The following ARHGEF10 variants were observed in gnomAD, a reference collection of about 807,000 sequenced individuals.
The protein encoded by ARHGEF10 is Rho guanine nucleotide exchange factor (GEF) 10.
Under a neutral mutation model 147.4 loss-of-function variants are expected in ARHGEF10, and 140 were observed. That is an observed-to-expected ratio of 0.95 (90% CI 0.83 to 1.09). The LOEUF (loss-of-function observed/expected upper bound fraction) is 1.09. Ranked by LOEUF, ARHGEF10 falls within the 50% of genes least tolerant of loss-of-function variation. The probability of loss-of-function intolerance (pLI) is 0.00; values close to 1 mark genes in which losing one functional copy is unlikely to be tolerated. For missense variants in ARHGEF10, 2,222 were observed against 1,752.7 expected, an observed-to-expected ratio of 1.27 and a Z score of -4.78; for synonymous variants, 902 against 695.8, an observed-to-expected ratio of 1.30 and a Z score of -4.67.
intron 17 of ARHGEF10, 135 bp downstream of exon 17, chr8:1,905,851 AAGGGAACCCTT>A: frequency 9.2e-7 from 1 of 1,090,988 alleles, no homozygotes; most frequent in Non-Finnish European, 1.4e-6. Context: ...TCCTGTGACT[AAGGGAACCCTT>A]ATAATAAGCA....
intron 2 of ARHGEF10, among the ~76,000 whole-genome samples, chr8:1,847,185 C>G (rs1804626539): frequency 6.6e-6 from 1 of 152,228 alleles, no homozygotes; most frequent in Non-Finnish European, 1.5e-5. Flanking sequence ...TGCCCAGCTG[C>G]TGGGGTTCAA....
intron 26 of ARHGEF10, among the ~76,000 whole-genome samples, chr8:1,939,615 A>G (rs1308756145): frequency 6.6e-6 from 1 of 152,222 alleles, no homozygotes; most frequent in East Asian, 1.9e-4. Flanking sequence ...CTGCCTAGGG[A>G]TGGTGCCCAT....
chr8:1,908,276 G>T (rs1227621127), intron 17 of ARHGEF10, among the ~76,000 whole-genome samples: 1 of 144,004 alleles, frequency 6.9e-6, no homozygotes, highest in Admixed American at 7.1e-5. Context: ...TGTCACCCAG[G>T]CTGGAGTGCT....
Position 1,909,441 on chromosome 8 carries a change from G to A in ARHGEF10, c.2114G>A (p.Ser705Asn). 6.2e-7 allele frequency: 1 copy of A among 1,614,102 alleles called. No individual in the cohort carries two copies. Among genetic ancestry groups the A allele is most frequent in the Non-Finnish European group, 8.5e-7 (1 of 1,180,040 alleles). Reference protein sequence around the residue: ...SRHLAVHPPESLAVVANAKPN... With the variant: ...SRHLAVHPPENLAVVANAKPN... ...CACCTTGCCGTTCACCCGCCGGAGA[G>A]CCTGGCCGTGGTTGCTAACGCGAAA... is the stretch of plus-strand genomic sequence containing the variant. Residue 705 changes from serine (S) to asparagine (N), a missense_variant, in exon 18 of 29, where the codon AGC becomes AAC. Ser to Asn is a conservative substitution (Grantham distance 46). Coordinates refer to ENST00000349830, the MANE Select transcript of ARHGEF10 (RefSeq NM_014629.4).
intron 9 of ARHGEF10, among the ~76,000 whole-genome samples, chr8:1,881,434 A>G (rs1034911981): frequency 4.6e-5 from 7 of 152,162 alleles, no homozygotes; most frequent in Admixed American, 6.5e-5. Flanking sequence ...GCTGTGCAGG[A>G]CGGAAACGCG....
At chr8:1,891,027 T>C (rs1410798330) in intron 11 of ARHGEF10, among the ~76,000 whole-genome samples, 2 of 152,192 alleles carry the variant, frequency 1.3e-5, no homozygotes, top group Non-Finnish European at 2.9e-5. Flanking sequence ...GTTTTCCTTT[T>C]CTTTGAAGGG....
chr8:1,887,366 G>A (rs1808753901), intron 11 of ARHGEF10, among the ~76,000 whole-genome samples: 1 of 152,256 alleles, frequency 6.6e-6, no homozygotes, highest in African/African-American at 2.4e-5. Context: ...CTGAGCTGAA[G>A]ACCAGTGGGC....
chr8:1,842,317 T>C (rs1804157916), intron 1 of ARHGEF10, among the ~76,000 whole-genome samples: 1 of 152,110 alleles, frequency 6.6e-6, no homozygotes, highest in Non-Finnish European at 1.5e-5. Flanking sequence ...CTTCTGAGAG[T>C]GCCAGAGCCA....
intron 1 of ARHGEF10, among the ~76,000 whole-genome samples, chr8:1,827,693 G>A (rs946480090): frequency 2.0e-5 from 3 of 152,106 alleles, no homozygotes; most frequent in African/African-American, 7.2e-5. Context: ...GAGTAAAGCA[G>A]GCCTGCCAGT....
At chr8:1,944,752 C>A (rs1012438764) in intron 26 of ARHGEF10, among the ~76,000 whole-genome samples, 2 of 152,248 alleles carry the variant, frequency 1.3e-5, no homozygotes, top group South Asian at 4.1e-4. Context: ...TCCCAGCCCT[C>A]ACCCTCTGTC....
rs755067873 is a variant in ARHGEF10, at chr8:1,876,718, G to A, written c.827G>A (p.Ser276Asn). ...GGGATTCCCAGGTCCTTCCTGCGCA[G>A]CAACCACAAAAAGCAAGTACGTGTT... ...KNGIPRSFLR[S>N]NHKKQLSHDL... is the part of the protein sequence containing the mutation. Residue 276 changes from serine (S) to asparagine (N), a missense_variant, in exon 8 of 29, where the codon AGC becomes AAC. Ser to Asn is a conservative substitution (Grantham distance 46, BLOSUM62 1). Coordinates refer to ENST00000349830, the MANE Select transcript of ARHGEF10 (RefSeq NM_014629.4). The A allele has an allele frequency of 6.2e-7, 1 of 1,614,186 alleles. No homozygotes were observed. Among genetic ancestry groups the A allele is most frequent in the East Asian group, 2.2e-5 (1 of 44,878 alleles).
At chr8:1,848,687 T>C (rs1160378732) in intron 2 of ARHGEF10, among the ~76,000 whole-genome samples, 1 of 152,216 alleles carries the variant, frequency 6.6e-6, no homozygotes, top group African/African-American at 2.4e-5. Flanking sequence ...AACTAAAATA[T>C]AGACAAGTCA....
intron 1 of ARHGEF10, 50 bp from the exon 2 acceptor site, chr8:1,843,303 G>A: frequency 6.9e-7 from 1 of 1,445,336 alleles, no homozygotes; most frequent in South Asian, 1.2e-5. Context: ...CCTATTGAGT[G>A]CATGTTTATC....
intron 2 of ARHGEF10, among the ~76,000 whole-genome samples, chr8:1,855,089 CCTT>C (rs1480762611): frequency 6.8e-6 from 1 of 146,416 alleles, no homozygotes; most frequent in Non-Finnish European, 1.5e-5. Context: ...AAAGAGAATT[CCTT>C]CTTCCTGTAT....
chr8:1,923,846 C>G lies in ARHGEF10; in HGVS notation c.2460C>G (p.Asn820Lys), dbSNP rs61758704. ...FTPAIKESWVNSLQMAKLALE... is the reference protein window; with the variant it reads ...FTPAIKESWVKSLQMAKLALE... Reference sequence around the variant, plus strand: ...CTGCCATCAAGGAGTCCTGGGTCAACAGCTTACAGATGGCCAAGCTCGCCC... The same window carrying G: ...CTGCCATCAAGGAGTCCTGGGTCAAGAGCTTACAGATGGCCAAGCTCGCCC... The change falls in exon 21 of 29, where the codon AAC becomes AAG. Residue 820 changes from asparagine to lysine, a missense_variant. Asn to Lys is a moderately conservative substitution (Grantham distance 94). Transcript: ENST00000349830. 161 of 1,614,060 alleles carry G rather than the reference C, an allele frequency of 1.0e-4. No individual in the cohort carries two copies. Among genetic ancestry groups the G allele is most frequent in the Non-Finnish European group, 1.3e-4 (148 of 1,180,036 alleles).
Position 1,880,039 on chromosome 8 carries a change from A to G in ARHGEF10, c.844-9A>G. 2.5e-6 allele frequency: 4 copies of G among 1,581,936 alleles called. No homozygotes were observed. Among genetic ancestry groups the G allele is most frequent in the African/African-American group, 1.3e-5 (1 of 74,352 alleles). The stretch of plus-strand genomic sequence containing the variant: ...TTTTGTGAAAAGACTGTGTCTCTTT[A>G]TGCTGTAGCTTTCTCATGACCTAAC... On this transcript the variant is annotated splice_polypyrimidine_tract_variant and intron_variant, in intron 8 of 28. Coordinates refer to ENST00000349830, the MANE Select transcript of ARHGEF10 (RefSeq NM_014629.4).
chr8:1,824,273 C>A (rs1211539824), intron 1 of ARHGEF10, among the ~76,000 whole-genome samples, 160 bp downstream of exon 1: 1 of 151,974 alleles, frequency 6.6e-6, no homozygotes, highest in East Asian at 2.0e-4. Flanking sequence ...GGCTGAGACC[C>A]CCTCCCCCCG....
rs1813943749 is a variant in ARHGEF10 at position 1,939,929 on chromosome 8, T to TGCA, written c.3223-5547_3223-5545dup. Among the ~76,000 whole-genome samples, 4 of 152,352 alleles carry TGCA rather than the reference T, an allele frequency of 2.6e-5. No homozygotes were observed. The South Asian group carries it at 8.3e-4, about 32-fold the overall frequency. Reference sequence around the variant, plus strand: ...GTAGTTTTCTTTTAAACAGCACTTTTGCAGCAGACGGTGCTGAGCCATTGA... The same window carrying TGCA: ...GTAGTTTTCTTTTAAACAGCACTTTTGCAGCAGCAGACGGTGCTGAGCCATTGA... On this transcript the variant is annotated intron_variant, in intron 26 of 28. Transcript: ENST00000349830.
intron 22 of ARHGEF10, among the ~76,000 whole-genome samples, chr8:1,925,675 T>TA (rs1048031046): frequency 2.6e-5 from 4 of 152,248 alleles, no homozygotes; most frequent in Non-Finnish European, 4.4e-5. Context: ...CCTTGTTAGT[T>TA]AAAGAGGGGA....
Sources: allele counts gnomAD v4.1 joint callset (sites outside exome capture counted in the v4.1 genomes callset), GRCh38; gene constraint gnomAD v4.1.1; transcripts MANE v1.5; gene names NCBI Gene and HGNC (gene_info 2026-07-23, HGNC 2026-07-21).